Variants in ATF7 observed in about 807,000 individuals in gnomAD.
ATF7 encodes activating transcription factor 7.
In ATF7, 10 loss-of-function variants were observed where a neutral mutation model predicts 50.4. The observed-to-expected ratio is 0.20, with a 90% CI of 0.12 to 0.34. ATF7 has a LOEUF of 0.34. Ranked by LOEUF, ATF7 falls within the 10% of genes least tolerant of loss-of-function variation. The pLI is 1.00. For synonymous variants in ATF7, 201 were observed against 226.4 expected, an observed-to-expected ratio of 0.89 and a Z score of 1.01; for missense variants, 465 against 613.9, an observed-to-expected ratio of 0.76 and a Z score of 2.56.
At chr12:53,598,550 G>A (rs1245565064) in intron 2 of ATF7, among the ~76,000 whole-genome samples, 3 of 152,160 alleles carry the variant, frequency 2.0e-5, no homozygotes, top group Non-Finnish European at 4.4e-5. Flanking sequence ...ATGGCTTATG[G>A]TAAATGGAAC....
At chr12:53,532,005 C>T (rs919513359) in intron 8 of ATF7, 109 bp from the exon 9 acceptor site, 2 of 1,252,180 alleles carry the variant, frequency 1.6e-6, no homozygotes, top group Admixed American at 2.5e-5. Context: ...AAAATTTCCA[C>T]TCTAGTTCTC....
downstream of ATF7, among the ~76,000 whole-genome samples, chr12:53,510,249 G>C (rs745512508): frequency 2.0e-5 from 3 of 152,184 alleles, no homozygotes; most frequent in Non-Finnish European, 4.4e-5. Flanking sequence ...ATGTTGGTCA[G>C]GCTGGTCTTG....
chr12:53,583,066 T>C (rs542686325), intron 2 of ATF7, among the ~76,000 whole-genome samples: 1 of 152,326 alleles, frequency 6.6e-6, no homozygotes, highest in Admixed American at 6.5e-5. Context: ...ACATGCTTTA[T>C]AGCCTTCACA....
chr12:53,587,843 A>ATATTTTTTTTTT, intron 2 of ATF7, among the ~76,000 whole-genome samples: 3 of 61,566 alleles, frequency 4.9e-5, no homozygotes, highest in African/African-American at 1.5e-4. Context: ...ATATATATAT[A>ATATTTTTTTTTT]TTTTTTTTTT....
intron 9 of ATF7, among the ~76,000 whole-genome samples, chr12:53,528,426 G>C (rs1938619910): frequency 6.6e-6 from 1 of 152,098 alleles, no homozygotes; most frequent in South Asian, 2.1e-4. Flanking sequence ...TCAGGAGTTT[G>C]AGACCAGCCT....
intron 1 of ATF7, among the ~76,000 whole-genome samples, chr12:53,619,592 C>A (rs1403423807): frequency 6.6e-6 from 1 of 151,254 alleles, no homozygotes; most frequent in African/African-American, 2.4e-5. Context: ...GCAGGCAGAT[C>A]ACCTGAACTT....
intron 2 of ATF7, among the ~76,000 whole-genome samples, chr12:53,584,469 A>G (rs998702162): frequency 6.6e-6 from 1 of 152,222 alleles, no homozygotes; most frequent in Non-Finnish European, 1.5e-5. Flanking sequence ...GTTTCTTACA[A>G]AACTAAACAT....
At chr12:53,609,685 T>C (rs1943767178) in intron 1 of ATF7, among the ~76,000 whole-genome samples, 1 of 151,890 alleles carries the variant, frequency 6.6e-6, no homozygotes, top group African/African-American at 2.4e-5. Flanking sequence ...TAATTTTCCA[T>C]TGAATTATTT....
chr12:53,540,272 A>G (rs1475723950), intron 4 of ATF7, among the ~76,000 whole-genome samples: 1 of 150,450 alleles, frequency 6.6e-6, no homozygotes, highest in Non-Finnish European at 1.5e-5. Context: ...AATCACTTGA[A>G]CTCAGGAGGT....
chr12:53,625,721 T>A (rs185950342), intron 1 of ATF7, among the ~76,000 whole-genome samples: 1 of 152,304 alleles, frequency 6.6e-6, no homozygotes. Context: ...ATCAAGATCT[T>A]TGTTCTCATC....
chr12:53,542,942 TGAG>T (rs1471152169), intron 4 of ATF7: 12 of 1,072,450 alleles, frequency 1.1e-5, no homozygotes, highest in African/African-American at 1.7e-5. Context: ...ACAGTGTAGC[TGAG>T]AAGTCTGATC....
At chr12:53,595,159 T>C (rs111338838) in intron 2 of ATF7, among the ~76,000 whole-genome samples, 4,848 of 152,258 alleles carry the variant, frequency 0.032, 266 homozygotes, top group African/African-American at 0.11. Context: ...TAATAAAAAT[T>C]AGAATTTTAA....
intron 2 of ATF7, among the ~76,000 whole-genome samples, chr12:53,566,246 A>G (rs1473867719): frequency 6.6e-6 from 1 of 152,202 alleles, no homozygotes; most frequent in South Asian, 2.1e-4. Context: ...ACTGTTGTCA[A>G]TTAATGCCTT....
chr12:53,524,679 C>T lies in ATF7; in HGVS notation c.1010G>A (p.Arg337His), dbSNP rs760791156. ...VDEDPDERRQ[R>H]FLERNRAAAS... is the part of the protein sequence containing the mutation. The stretch of plus-strand genomic sequence containing the variant: ...TGCAGCCCGGTTGCGCTCCAGAAAG[C>T]GCTGCCGTCGCTCATCTGGATCTTC... The change falls in exon 10 of 12, where the codon CGC becomes CAC. Residue 337 changes from arginine (R) to histidine (H), a missense_variant. Transcript: ENST00000420353. The surrounding 1 kb of genome is among the most constrained non-coding windows in gnomAD (Gnocchi z 4.6). 1.9e-6 allele frequency: 3 copies of T among 1,613,384 alleles called. No homozygotes were observed. Among genetic ancestry groups the T allele is most frequent in the Non-Finnish European group, 2.5e-6 (3 of 1,179,886 alleles).
chr12:53,531,623 T>G, intron 9 of ATF7, 121 bp downstream of exon 9: 1 of 1,125,234 alleles, frequency 8.9e-7, no homozygotes, highest in Admixed American at 3.1e-5. Flanking sequence ...AGAACCAAAG[T>G]AAGCAGGAAG....
rs1938349931 is a variant in ATF7, at chr12:53,524,836, G to GAGT, written c.928-78_928-76dup. On this transcript the variant is annotated intron_variant, in intron 9 of 11. Transcript: ENST00000420353. The surrounding 1 kb of genome is among the most constrained non-coding windows in gnomAD (Gnocchi z 4.6). The stretch of plus-strand genomic sequence containing the variant: ...TCCAAATCACACCTGATGTTAGGTA[G>GAGT]AGTAGTAAGATCTGGTAAAAGGATA... The GAGT allele has an allele frequency of 7.6e-7, 1 of 1,308,460 alleles. No individual in the cohort carries two copies. Among genetic ancestry groups the GAGT allele is most frequent in the African/African-American group, 1.5e-5 (1 of 67,344 alleles). The allele number at this position is 1,308,460 out of a possible 1,614,324, so 81.1% of individuals were successfully genotyped here. A position where few individuals can be genotyped will look rare whatever the true frequency, so the allele number is the denominator to read the frequency against.
chr12:53,563,043 C>A (rs118087207), intron 2 of ATF7, among the ~76,000 whole-genome samples: 1,714 of 152,228 alleles, frequency 0.011, 74 homozygotes, highest in Admixed American at 0.072. Flanking sequence ...CCAGGTCAGT[C>A]TCTTACTGAT....
intron 1 of ATF7, among the ~76,000 whole-genome samples, chr12:53,621,148 T>C (rs1944362875): frequency 6.6e-6 from 1 of 152,208 alleles, no homozygotes; most frequent in South Asian, 2.1e-4. Flanking sequence ...CAGAATATAC[T>C]GCATTTGGAT....
chr12:53,573,466 G>A (rs1044071653), intron 2 of ATF7, among the ~76,000 whole-genome samples: 1 of 152,120 alleles, frequency 6.6e-6, no homozygotes, highest in African/African-American at 2.4e-5. Flanking sequence ...CATTCGTGTG[G>A]ATTCAATGTA....
Sources: allele counts gnomAD v4.1 joint callset (sites outside exome capture counted in the v4.1 genomes callset), GRCh38; gene constraint gnomAD v4.1.1; non-coding constraint Gnocchi (gnomAD v3.1); transcripts MANE v1.5; gene names NCBI Gene and HGNC (gene_info 2026-07-23, HGNC 2026-07-21).